FABP12: variants seen among roughly 807,000 people sequenced by gnomAD.
The protein encoded by FABP12 is fatty acid binding protein 12, also known as fatty acid-binding protein 12.
In FABP12, 19 loss-of-function variants were observed where a neutral mutation model predicts 13.7. That is an observed-to-expected ratio of 1.39 (90% CI 0.97 to 2.04). The LOEUF (loss-of-function observed/expected upper bound fraction) is 2.04. FABP12 is among the 30% of genes most tolerant of loss of function. The probability of loss-of-function intolerance (pLI) is 0.00; values close to 1 mark genes in which losing one functional copy is unlikely to be tolerated. For synonymous variants in FABP12, 61 were observed against 57.0 expected, an observed-to-expected ratio of 1.07 and a Z score of -0.32; for missense variants, 182 against 164.2, an observed-to-expected ratio of 1.11 and a Z score of -0.59.
chr8:81,527,930 G>A (rs1808951031), intron 3 of FABP12, among the ~76,000 whole-genome samples: 2 of 152,154 alleles, frequency 1.3e-5, no homozygotes, highest in South Asian at 4.2e-4. Flanking sequence ...CCGCACTCCA[G>A]CCTGGGCAAC....
intron 1 of FABP12, among the ~76,000 whole-genome samples, chr8:81,560,531 C>T (rs2130042592): frequency 6.6e-6 from 1 of 152,286 alleles, no homozygotes; most frequent in South Asian, 2.1e-4. Flanking sequence ...CAGGCCATCC[C>T]CCCATCAGCC....
upstream of FABP12, among the ~76,000 whole-genome samples, chr8:81,535,130 T>G (rs1408844434): frequency 6.6e-6 from 1 of 152,180 alleles, no homozygotes; most frequent in East Asian, 1.9e-4. Context: ...ATTGGGGTTA[T>G]TAGTTGATTT....
intron 1 of FABP12, among the ~76,000 whole-genome samples, chr8:81,582,118 ATTTTT>A (rs34960860): frequency 3.1e-5 from 3 of 96,788 alleles, no homozygotes; most frequent in South Asian, 3.9e-4. Flanking sequence ...GCTAACTGGA[ATTTTT>A]TTTTTTTTTT....
chr8:81,577,783 T>C (rs1449330187), intron 1 of FABP12, among the ~76,000 whole-genome samples: 8 of 152,066 alleles, frequency 5.3e-5, no homozygotes, highest in African/African-American at 1.4e-4. Flanking sequence ...AATAAATAAA[T>C]GAGGTCTTTC....
chr8:81,561,000 T>A (rs1809714618), intron 1 of FABP12, among the ~76,000 whole-genome samples: 1 of 152,230 alleles, frequency 6.6e-6, no homozygotes, highest in Admixed American at 6.5e-5. Context: ...CACCCTTCTC[T>A]GCACACAACT....
At chr8:81,585,671 T>C (rs1268043139) in intron 1 of FABP12, among the ~76,000 whole-genome samples, 1 of 152,158 alleles carries the variant, frequency 6.6e-6, no homozygotes, top group East Asian at 1.9e-4. Context: ...GCTTTGGGTA[T>C]TATCATTTTC....
At chr8:81,569,670 G>T (rs1809888964) in intron 1 of FABP12, among the ~76,000 whole-genome samples, 1 of 152,152 alleles carries the variant, frequency 6.6e-6, no homozygotes, top group Non-Finnish European at 1.5e-5. Context: ...AACTATGACA[G>T]CCCCCTCAGA....
intron 1 of FABP12, among the ~76,000 whole-genome samples, chr8:81,568,040 G>T (rs1018025277): frequency 4.0e-5 from 6 of 151,840 alleles, no homozygotes; most frequent in Non-Finnish European, 8.8e-5. Context: ...GGAGAATGGC[G>T]TGAACCCGGG....
chr8:81,571,881 A>G (rs1809937910), intron 1 of FABP12, among the ~76,000 whole-genome samples: 1 of 152,258 alleles, frequency 6.6e-6, no homozygotes, highest in Non-Finnish European at 1.5e-5. Flanking sequence ...TGAGTCTATC[A>G]TAACATCCTT....
chr8:81,588,803 AT>A (rs1218159784), intron 1 of FABP12, among the ~76,000 whole-genome samples: 9 of 152,216 alleles, frequency 5.9e-5, no homozygotes, highest in Non-Finnish European at 8.8e-5. Flanking sequence ...TGATTTGGAG[AT>A]ACAGGTTTGC....
At chr8:81,550,138 T>C (rs182224455) in intron 1 of FABP12, among the ~76,000 whole-genome samples, 39 of 152,294 alleles carry the variant, frequency 2.6e-4, no homozygotes, top group Admixed American at 4.6e-4. Context: ...TACCCACTTA[T>C]CCTATTCAGC....
rs149229455 is a variant in FABP12 at position 81,559,899 on chromosome 8, G to A, written c.-184-20156C>T. ...AACTACTGAACCATAATTCACAAGC[G>A]GAAAGGATTTCCACATAGTTCAAAC... On this transcript the variant is annotated intron_variant, in intron 1 of 5. Coordinates refer to the FABP12 transcript ENST00000692030. 9.1e-4 allele frequency among the ~76,000 whole-genome samples: 139 copies of A among 152,218 alleles called. 1 individual carries two copies. In the East Asian group the frequency reaches 0.023, roughly 25 times the overall value.
At chr8:81,572,243 AAT>A (rs1336827432) in intron 1 of FABP12, among the ~76,000 whole-genome samples, 2 of 152,228 alleles carry the variant, frequency 1.3e-5, no homozygotes, top group Non-Finnish European at 2.9e-5. Flanking sequence ...CACTTAGAAT[AAT>A]AGTTTCCTGT....
upstream of FABP12, among the ~76,000 whole-genome samples, chr8:81,534,200 A>G (rs1206458348): frequency 2.0e-5 from 3 of 152,050 alleles, no homozygotes; most frequent in East Asian, 5.8e-4. Flanking sequence ...GAGTTTACCA[A>G]TCACATGACC....
intron 1 of FABP12, among the ~76,000 whole-genome samples, chr8:81,546,261 C>G (rs978872823): frequency 6.6e-6 from 1 of 152,156 alleles, no homozygotes; most frequent in Non-Finnish European, 1.5e-5. Context: ...TTGTTTATGA[C>G]AAGTGATTTT....
At chr8:81,552,741 G>A (rs1471009054) in intron 1 of FABP12, among the ~76,000 whole-genome samples, 4 of 152,110 alleles carry the variant, frequency 2.6e-5, no homozygotes, top group African/African-American at 9.7e-5. Flanking sequence ...CCAGGGCCTG[G>A]CACACAGTAG....
At chr8:81,585,971 T>C (rs977780102) in intron 1 of FABP12, among the ~76,000 whole-genome samples, 1 of 152,104 alleles carries the variant, frequency 6.6e-6, no homozygotes, top group African/African-American at 2.4e-5. Flanking sequence ...CAATAGGTAG[T>C]TTTTCATTTC....
intron 1 of FABP12, among the ~76,000 whole-genome samples, chr8:81,546,267 A>G (rs192633044): frequency 1.3e-3 from 200 of 152,274 alleles, no homozygotes; most frequent in African/African-American, 4.5e-3. Flanking sequence ...ATGACAAGTG[A>G]TTTTTATTTT....
At chr8:81,575,942 T>C (rs959269582) in intron 1 of FABP12, among the ~76,000 whole-genome samples, 1 of 152,202 alleles carries the variant, frequency 6.6e-6, no homozygotes, top group Non-Finnish European at 1.5e-5. Flanking sequence ...GGAAAAATTG[T>C]CTTCCACGAA....
Sources: gnomAD v4.1 joint callset for allele counts (sites outside exome capture counted in the v4.1 genomes callset) on GRCh38, gnomAD v4.1.1 for gene constraint, MANE v1.5 for transcripts, NCBI Gene and HGNC (gene_info 2026-07-23, HGNC 2026-07-21) for gene names.